CAMK4: variants seen among roughly 807,000 people sequenced by gnomAD.
The protein encoded by CAMK4 is calcium/calmodulin dependent protein kinase IV.
CAMK4 carries 22 observed loss-of-function variants against 44.9 expected under a neutral mutation model. That is an observed-to-expected ratio of 0.49 (90% CI 0.35 to 0.70). The LOEUF is 0.70. Ranked by LOEUF, CAMK4 falls within the 30% of genes least tolerant of loss-of-function variation. CAMK4 has a pLI of 0.01. For synonymous variants in CAMK4, 218 were observed against 215.4 expected, an observed-to-expected ratio of 1.01 and a Z score of -0.11; for missense variants, 498 against 586.8, an observed-to-expected ratio of 0.85 and a Z score of 1.56.
chr5:111,395,528 C>T (rs1226702368), intron 5 of CAMK4, among the ~76,000 whole-genome samples: 2 of 151,308 alleles, frequency 1.3e-5, no homozygotes, highest in Non-Finnish European at 2.9e-5. Context: ...AGATTATTGA[C>T]TTTTCTTTCC....
chr5:111,287,451 GA>G (rs1473965697), intron 1 of CAMK4, among the ~76,000 whole-genome samples: 1 of 152,136 alleles, frequency 6.6e-6, no homozygotes. Context: ...ATGAAATCTT[GA>G]AAAATTTAGA....
chr5:111,291,458 C>T (rs981601947), intron 1 of CAMK4, among the ~76,000 whole-genome samples: 3 of 152,090 alleles, frequency 2.0e-5, no homozygotes, highest in African/African-American at 2.4e-5. Flanking sequence ...ATCCTTATGT[C>T]GTCATACCTC....
intron 1 of CAMK4, among the ~76,000 whole-genome samples, chr5:111,237,344 G>A (rs992918320): frequency 1.1e-4 from 16 of 152,194 alleles, no homozygotes; most frequent in Non-Finnish European, 2.9e-5. Flanking sequence ...TCCCAACCAT[G>A]TGTGCACCTG....
chr5:111,233,002 A>G (rs951763194), intron 1 of CAMK4, among the ~76,000 whole-genome samples: 1 of 152,248 alleles, frequency 6.6e-6, no homozygotes, highest in African/African-American at 2.4e-5. Flanking sequence ...TTCCAGTGAC[A>G]TGTCATTTAT....
chr5:111,470,022 A>C (rs768800023), intron 7 of CAMK4, among the ~76,000 whole-genome samples: 3 of 152,252 alleles, frequency 2.0e-5, no homozygotes, highest in Non-Finnish European at 2.9e-5. Context: ...GAAGACCTGC[A>C]TGGAGAAGGA....
intron 7 of CAMK4, among the ~76,000 whole-genome samples, chr5:111,460,022 G>A (rs1490427547): frequency 2.6e-5 from 4 of 152,078 alleles, no homozygotes; most frequent in African/African-American, 9.7e-5. Context: ...GGGGTGGGAT[G>A]ATGGGAGGAA....
chr5:111,449,078 C>A, intron 6 of CAMK4, 51 bp from the exon 7 acceptor site: 1 of 791,636 alleles, frequency 1.3e-6, no homozygotes, highest in South Asian at 1.6e-5. Flanking sequence ...AATATTTTGT[C>A]ATAAAAGCTG....
chr5:111,297,125 C>T (rs527480832), intron 1 of CAMK4, among the ~76,000 whole-genome samples: 47 of 152,212 alleles, frequency 3.1e-4, no homozygotes, highest in Non-Finnish European at 4.1e-4. Flanking sequence ...AACTAAAATG[C>T]GAACTAGAAT....
chr5:111,380,130 A>G (rs1219366272), intron 4 of CAMK4, among the ~76,000 whole-genome samples: 1 of 152,156 alleles, frequency 6.6e-6, no homozygotes, highest in African/African-American at 2.4e-5. Flanking sequence ...TTGCTTTAAG[A>G]GCAAGTTTCG....
At chr5:111,320,909 T>G (rs1748636625) in intron 1 of CAMK4, among the ~76,000 whole-genome samples, 1 of 152,238 alleles carries the variant, frequency 6.6e-6, no homozygotes, top group African/African-American at 2.4e-5. Context: ...CTGTCACAGT[T>G]AAATTGGTTT....
At chr5:111,353,801 G>A (rs1379975547) in intron 2 of CAMK4, among the ~76,000 whole-genome samples, 1 of 152,082 alleles carries the variant, frequency 6.6e-6, no homozygotes, top group Non-Finnish European at 1.5e-5. Flanking sequence ...GGAGGTGAAA[G>A]ATCTGTACTC....
chr5:111,419,909 A>T (rs1167806301), intron 5 of CAMK4, among the ~76,000 whole-genome samples: 1 of 152,094 alleles, frequency 6.6e-6, no homozygotes, highest in African/African-American at 2.4e-5. Context: ...TTGGCTTAGG[A>T]TTGACTTGGC....
At chr5:111,361,914 A>G (rs1002589178) in intron 2 of CAMK4, among the ~76,000 whole-genome samples, 23 of 152,204 alleles carry the variant, frequency 1.5e-4, no homozygotes, top group Admixed American at 4.6e-4. Context: ...CATGTTTAGT[A>G]GATACTTTCT....
chr5:111,316,138 T>G (rs548122686), intron 1 of CAMK4, among the ~76,000 whole-genome samples: 18 of 152,280 alleles, frequency 1.2e-4, no homozygotes, highest in African/African-American at 4.3e-4. Context: ...CAATAATTTC[T>G]AATCACATCA....
intron 4 of CAMK4, among the ~76,000 whole-genome samples, chr5:111,387,984 C>T (rs1038464152): frequency 6.6e-6 from 1 of 152,164 alleles, no homozygotes; most frequent in Non-Finnish European, 1.5e-5. Context: ...TTGAACTTTT[C>T]AGTCAGCCAT....
At chr5:111,437,091 T>C (rs898922977) in intron 5 of CAMK4, among the ~76,000 whole-genome samples, 1 of 152,226 alleles carries the variant, frequency 6.6e-6, no homozygotes, top group African/African-American at 2.4e-5. Context: ...TTTATCTCAC[T>C]AATACTCAAT....
intron 4 of CAMK4, among the ~76,000 whole-genome samples, chr5:111,384,206 G>A (rs2112841880): frequency 6.6e-6 from 1 of 152,230 alleles, no homozygotes; most frequent in South Asian, 2.1e-4. Flanking sequence ...GAGCACTGAA[G>A]GTCTGCTAAT....
At position 111,487,242 on chromosome 5, in the gene CAMK4, T is replaced by C. The variant is rs910009917; in HGVS notation, c.*2776T>C. On this transcript the variant is annotated 3_prime_UTR_variant, in exon 11 of 11. Transcript: ENST00000282356. ...TTTCAGCAAACAATAAATTACATTT[T>C]ACATTTTAGAGCTAACACTTATCAC... 1 of 152,238 alleles carries C rather than the reference T, an allele frequency of 6.6e-6. No homozygotes were observed. Among genetic ancestry groups the C allele is most frequent in the Admixed American group, 6.5e-5 (1 of 15,280 alleles). The allele number at this position is 152,238 out of a possible 1,614,324, so 9.4% of individuals were successfully genotyped here. A position where few individuals can be genotyped will look rare whatever the true frequency, so the allele number is the denominator to read the frequency against.
chr5:111,459,765 G>T (rs189207053), intron 7 of CAMK4, among the ~76,000 whole-genome samples: 2 of 137,698 alleles, frequency 1.5e-5, no homozygotes, highest in Admixed American at 8.0e-5. Context: ...CTTGATCTCC[G>T]CTCACTGCAT....
Sources: gnomAD v4.1 joint callset for allele counts (sites outside exome capture counted in the v4.1 genomes callset) on GRCh38, gnomAD v4.1.1 for gene constraint, MANE v1.5 for transcripts, NCBI Gene and HGNC (gene_info 2026-07-23, HGNC 2026-07-21) for gene names.